MEIOC: variants seen among roughly 807,000 people sequenced by gnomAD.
MEIOC encodes the protein meiosis-specific coiled-coil domain-containing protein MEIOC.
MEIOC carries 9 observed loss-of-function variants against 85.3 expected under a neutral mutation model. That is an observed-to-expected ratio of 0.11 (90% confidence interval 0.06 to 0.18). The LOEUF (loss-of-function observed/expected upper bound fraction) is 0.18. MEIOC is among the 10% of genes least tolerant of loss of function. The pLI is 1.00. For missense variants in MEIOC, 898 were observed against 1,129.4 expected (o/e 0.80, Z 2.94); for synonymous variants, 365 against 393.7 (o/e 0.93, Z 0.86).
chr17:44,662,200 T>A, intron 2 of MEIOC, 117 bp from the exon 3 acceptor site: 1 of 824,022 alleles, frequency 1.2e-6, no homozygotes. Flanking sequence ...TAAGTCTGCA[T>A]TTGAATGTAA....
chr17:44,674,522 T>G lies in MEIOC; in HGVS notation c.*326T>G. ...GGTAAATGCAAATGTGAAATTCTTC[T>G]AGGAGATAAATTTCATTTAGGTTTG... On this transcript the variant is annotated 3_prime_UTR_variant, in exon 8 of 8. Transcript: ENST00000409122. 1 of 1,034,790 alleles carries G rather than the reference T, an allele frequency of 9.7e-7. No homozygotes were observed. The highest frequency in any genetic ancestry group is 1.2e-6 in the Non-Finnish European group (1 of 859,712). 64.1% of individuals were successfully genotyped at this position (1,034,790 alleles called of 1,614,324 possible).
At position 44,673,363 on chromosome 17, in the gene MEIOC, C is replaced by A; in HGVS notation, c.2458-3C>A. 1.3e-6 allele frequency: 2 copies of A among 1,530,378 alleles called. No homozygotes were observed. The highest frequency in any genetic ancestry group is 1.8e-6 in the Non-Finnish European group (2 of 1,140,430). 94.8% of individuals were successfully genotyped at this position (1,530,378 alleles called of 1,614,324 possible). On this transcript the variant is annotated splice_polypyrimidine_tract_variant and splice_region_variant and intron_variant, in intron 6 of 7. Transcript: ENST00000409122. The stretch of plus-strand genomic sequence containing the variant: ...TTATCAAAATTTAAAATGCTTCCCT[C>A]AGGTTGTGACTTTACTAGGCAAAAT...
intron 3 of MEIOC, among the ~76,000 whole-genome samples, chr17:44,664,056 G>A (rs946639258): frequency 3.9e-5 from 6 of 152,098 alleles, no homozygotes; most frequent in Admixed American, 2.0e-4. Context: ...TGAAAAAACC[G>A]GAAGTTACAA....
At chr17:44,657,605 G>A (rs1464933171) in intron 2 of MEIOC, among the ~76,000 whole-genome samples, 1 of 151,946 alleles carries the variant, frequency 6.6e-6, no homozygotes, top group Non-Finnish European at 1.5e-5. Context: ...CCAGGCTGGA[G>A]TGCAGTGGTG....
At position 44,675,264 on chromosome 17, in the gene MEIOC, T is replaced by A. The variant is rs1266238675; in HGVS notation, c.*1068T>A. The A allele has an allele frequency of 1.0e-6, 1 of 983,462 alleles. No homozygotes were observed. The allele number at this position is 983,462 out of a possible 1,614,324, so 60.9% of individuals were successfully genotyped here. A position where few individuals can be genotyped will look rare whatever the true frequency, so the allele number is the denominator to read the frequency against. On this transcript the variant is annotated 3_prime_UTR_variant, in exon 8 of 8. Coordinates refer to ENST00000409122, the MANE Select transcript of MEIOC (RefSeq NM_001145080.3). ...TTGTGTTCATTAGTTTGCTTCTGTA[T>A]TTTTTTAAAACTATTGAAAGCTTAA...
intron 6 of MEIOC, chr17:44,670,475 C>CCAGCTTGATGAG (rs889651792): frequency 6.1e-5 from 9 of 148,300 alleles, no homozygotes; most frequent in Non-Finnish European, 1.5e-5. Context: ...CATTTGTTTT[C>CCAGCTTGATGAG]CAGCTTGATG....
chr17:44,658,755 T>C (rs1971804364), intron 2 of MEIOC, among the ~76,000 whole-genome samples: 1 of 143,454 alleles, frequency 7.0e-6, no homozygotes, highest in African/African-American at 2.6e-5. Context: ...ATCATGCCAC[T>C]GCACTCCAGC....
chr17:44,675,562 T>C lies in MEIOC; in HGVS notation c.*1366T>C, dbSNP rs1296936426. ...CCACATAAATTTTCTTTAGATGATG[T>C]GCAGAAGAAACTGATTGAGAATGCA... On this transcript the variant is annotated 3_prime_UTR_variant, in exon 8 of 8. Coordinates refer to ENST00000409122, the MANE Select transcript of MEIOC (RefSeq NM_001145080.3). The C allele has an allele frequency of 3.1e-6, 3 of 983,608 alleles. No individual in the cohort carries two copies. The highest frequency in any genetic ancestry group is 3.6e-6 in the Non-Finnish European group (3 of 828,440). 60.9% of individuals were successfully genotyped at this position (983,608 alleles called of 1,614,324 possible).
At chr17:44,659,480 A>G (rs569920738) in intron 2 of MEIOC, among the ~76,000 whole-genome samples, 1 of 152,382 alleles carries the variant, frequency 6.6e-6, no homozygotes, top group Non-Finnish European at 1.5e-5. Flanking sequence ...GCCTCTGTTA[A>G]CGAAAGGGAT....
intron 3 of MEIOC, among the ~76,000 whole-genome samples, chr17:44,664,455 C>G (rs1971880613): frequency 1.3e-5 from 2 of 152,184 alleles, no homozygotes; most frequent in South Asian, 2.1e-4. Flanking sequence ...CAGACTGATC[C>G]AAAATCCAAA....
chr17:44,673,229 T>G, intron 6 of MEIOC, 137 bp from the exon 7 acceptor site: 1 of 591,016 alleles, frequency 1.7e-6, no homozygotes, highest in Non-Finnish European at 2.7e-6. Flanking sequence ...CAGCATGGTG[T>G]CAGGACACAG....
intron 2 of MEIOC, among the ~76,000 whole-genome samples, chr17:44,659,287 A>C (rs866749508): frequency 8.5e-5 from 13 of 152,178 alleles, no homozygotes; most frequent in South Asian, 2.1e-4. Context: ...TTTGTGCCCT[A>C]AATGACAAAG....
chr17:44,674,736 T>C lies in MEIOC; in HGVS notation c.*540T>C. ...TCATGTACAAACTTAATATTTAAAA[T>C]ACTATACTACCATATTTATAAATTT... On this transcript the variant is annotated 3_prime_UTR_variant, in exon 8 of 8. Coordinates refer to ENST00000409122, the MANE Select transcript of MEIOC (RefSeq NM_001145080.3). 4.1e-6 allele frequency: 4 copies of C among 977,330 alleles called. No individual in the cohort carries two copies. Among genetic ancestry groups the C allele is most frequent in the Non-Finnish European group, 4.9e-6 (4 of 822,384 alleles). 60.5% of individuals were successfully genotyped at this position (977,330 alleles called of 1,614,324 possible).
Position 44,673,568 on chromosome 17 carries a change from C to G in MEIOC, c.2638+22C>G, listed in dbSNP as rs184329926. The G allele has an allele frequency of 2.0e-6, 3 of 1,509,402 alleles. No individual in the cohort carries two copies. In the African/African-American group the frequency reaches 4.2e-5, roughly 21 times the overall value. 93.5% of individuals were successfully genotyped at this position (1,509,402 alleles called of 1,614,324 possible). ...AGAGGTACAAATATTAATGCATATT[C>G]TTGTGATAAGTCAGTGTGATAATTT... is the stretch of plus-strand genomic sequence containing the variant. On this transcript the variant is annotated intron_variant, in intron 7 of 7. Transcript: ENST00000409122.
At chr17:44,661,586 C>G (rs1971842208) in intron 2 of MEIOC, among the ~76,000 whole-genome samples, 1 of 152,074 alleles carries the variant, frequency 6.6e-6, no homozygotes, top group African/African-American at 2.4e-5. Context: ...GAGTCTCGCT[C>G]TGTCGCCCAG....
At chr17:44,668,979 A>G (rs1598728844) in intron 5 of MEIOC, among the ~76,000 whole-genome samples, 1 of 152,158 alleles carries the variant, frequency 6.6e-6, no homozygotes, top group African/African-American at 2.4e-5. Context: ...CAAGGTGGGC[A>G]GATCACAAGG....
At chr17:44,670,758 C>G (rs1038293777) in intron 6 of MEIOC, 1 of 128,314 alleles carries the variant, frequency 7.8e-6, no homozygotes, top group African/African-American at 2.4e-5. Flanking sequence ...AGGTTGGTCT[C>G]AAACTCCTGA....
At chr17:44,663,324 A>T (rs187415332) in intron 3 of MEIOC, among the ~76,000 whole-genome samples, 5 of 151,854 alleles carry the variant, frequency 3.3e-5, no homozygotes, top group African/African-American at 1.2e-4. Context: ...CTAGGATATT[A>T]TGGGAGCCTA....
At chr17:44,670,268 A>AAG (rs1200846831) in intron 6 of MEIOC, 1 of 150,600 alleles carries the variant, frequency 6.6e-6, no homozygotes, top group African/African-American at 2.4e-5. Context: ...GTCTCAAAAA[A>AAG]AAAAAAAAAA....
Sources: allele counts gnomAD v4.1 joint callset (sites outside exome capture counted in the v4.1 genomes callset), GRCh38; gene constraint gnomAD v4.1.1; transcripts MANE v1.5; gene names NCBI Gene and HGNC (gene_info 2026-07-23, HGNC 2026-07-21).